The following FAM227A variants were observed in gnomAD, a reference collection of about 807,000 sequenced individuals.
FAM227A encodes the protein family with sequence similarity 227 member A, also known as protein FAM227A.
A neutral mutation model predicts 74.7 loss-of-function variants in FAM227A; 80 were observed. That is an observed-to-expected ratio of 1.07 (90% CI 0.89 to 1.29). The LOEUF is 1.29. FAM227A is among the 50% of genes most tolerant of loss of function. The pLI is 0.00. For synonymous variants in FAM227A, 237 were observed against 241.8 expected (o/e 0.98, Z 0.19); for missense variants, 654 against 683.4 (o/e 0.96, Z 0.48).
intron 2 of FAM227A, among the ~76,000 whole-genome samples, chr22:38,648,067 G>A (rs1569242662): frequency 6.6e-6 from 1 of 152,076 alleles, no homozygotes; most frequent in Non-Finnish European, 1.5e-5. Flanking sequence ...CACAGGAGAT[G>A]GAAAGACCTG....
At chr22:38,604,028 T>C (rs980515952) in intron 13 of FAM227A, among the ~76,000 whole-genome samples, 2 of 152,080 alleles carry the variant, frequency 1.3e-5, no homozygotes, top group Non-Finnish European at 2.9e-5. Flanking sequence ...AACACCACGA[T>C]TAAAGTCAAA....
At chr22:38,606,552 T>C (rs556623826) in intron 12 of FAM227A, among the ~76,000 whole-genome samples, 19 of 152,250 alleles carry the variant, frequency 1.2e-4, no homozygotes, top group Admixed American at 9.8e-4. Flanking sequence ...CATGCTCCTT[T>C]CTGCCTCCTG....
chr22:38,650,095 G>GC lies in FAM227A; in HGVS notation c.73dup (p.Ala25GlyfsTer39). 6.4e-7 allele frequency: 1 copy of GC among 1,552,018 alleles called. No individual in the cohort carries two copies. The highest frequency in any genetic ancestry group is 8.7e-7 in the Non-Finnish European group (1 of 1,147,020). ...TGTATTCCGTGCGACAAGCGAGACA[G>GC]CCAGGTGCTCATCCACTGGTATCAT... On this transcript the variant is annotated frameshift_variant, in exon 2 of 17. Coordinates refer to ENST00000535113, the MANE Select transcript of FAM227A (RefSeq NM_001013647.2). LOFTEE classifies it high-confidence loss of function.
intron 11 of FAM227A, among the ~76,000 whole-genome samples, chr22:38,617,693 T>C (rs2091608030): frequency 6.6e-6 from 1 of 152,158 alleles, no homozygotes; most frequent in South Asian, 2.1e-4. Flanking sequence ...GGGAATGTTG[T>C]CCTAGGGTTT....
chr22:38,589,284 C>CAT (rs1569185095), intron 16 of FAM227A, among the ~76,000 whole-genome samples: 2 of 152,148 alleles, frequency 1.3e-5, no homozygotes, highest in Non-Finnish European at 2.9e-5. Context: ...GCACAGGAAG[C>CAT]ATGGCCCTGC....
At chr22:38,624,363 T>C (rs1004235476) in intron 9 of FAM227A, among the ~76,000 whole-genome samples, 5 of 150,914 alleles carry the variant, frequency 3.3e-5, no homozygotes, top group Non-Finnish European at 5.9e-5. Flanking sequence ...CCCTCCAGCA[T>C]GGGCAATAAG....
chr22:38,635,904 T>C (rs2091994489), intron 6 of FAM227A, among the ~76,000 whole-genome samples: 1 of 151,854 alleles, frequency 6.6e-6, no homozygotes, highest in East Asian at 1.9e-4. Flanking sequence ...GGCGGGAGGA[T>C]CACCTGAGTC....
At chr22:38,609,696 A>G (rs2091369549) in intron 11 of FAM227A, among the ~76,000 whole-genome samples, 1 of 152,142 alleles carries the variant, frequency 6.6e-6, no homozygotes, top group Non-Finnish European at 1.5e-5. Context: ...ACTGGTTTTT[A>G]TAGTGTTGAG....
Position 38,610,787 on chromosome 22 carries a change from C to T in FAM227A, c.1039-3311G>A, listed in dbSNP as rs149784626. ...CTTAGAAAGTACTTTCCTGGGCCGG[C>T]GCGGTGGCTCACGCCTGCAATCCTG... On this transcript the variant is annotated intron_variant, in intron 11 of 16. Transcript: ENST00000535113. Among the ~76,000 whole-genome samples the T allele has an allele frequency of 1.7e-3, 254 of 152,294 alleles. 1 individual carries two copies. The highest frequency in any genetic ancestry group is 4.6e-3 in the Admixed American group (70 of 15,296).
chr22:38,634,093 T>C (rs1432628372), intron 6 of FAM227A, among the ~76,000 whole-genome samples: 1 of 151,606 alleles, frequency 6.6e-6, no homozygotes, highest in Non-Finnish European at 1.5e-5. Context: ...GGTGGCTGCA[T>C]ATCTGTAGTC....
chr22:38,636,334 A>T, intron 6 of FAM227A, 117 bp downstream of exon 6: 1 of 1,134,398 alleles, frequency 8.8e-7, no homozygotes, highest in Non-Finnish European at 1.2e-6. Flanking sequence ...CAGCTCAGAC[A>T]CCTGCAAGCC....
chr22:38,596,794 A>G (rs2091054299), intron 15 of FAM227A, among the ~76,000 whole-genome samples: 2 of 152,198 alleles, frequency 1.3e-5, no homozygotes, highest in South Asian at 2.1e-4. Flanking sequence ...GAAAATGTCC[A>G]TAATATGCTG....
chr22:38,597,096 G>A (rs2091061959), intron 15 of FAM227A, 108 bp downstream of exon 15: 26 of 976,454 alleles, frequency 2.7e-5, no homozygotes, highest in Non-Finnish European at 4.0e-5. Flanking sequence ...TGCTTATGAT[G>A]GTTACAGGAA....
At chr22:38,636,072 AAAG>A (rs990733075) in intron 6 of FAM227A, among the ~76,000 whole-genome samples, 33 of 150,086 alleles carry the variant, frequency 2.2e-4, no homozygotes, top group African/African-American at 7.7e-4. Context: ...AAGAAAGAAA[AAAG>A]AAAGGAAGGA....
rs530746604 is a variant in FAM227A, at chr22:38,627,603, TTTTG to T, written c.726+631_726+634del. Among the ~76,000 whole-genome samples, 477 of 152,018 alleles carry T rather than the reference TTTTG, an allele frequency of 3.1e-3. 1 individual carries two copies. Among genetic ancestry groups the T allele is most frequent in the African/African-American group, 0.011 (447 of 41,446 alleles). On this transcript the variant is annotated intron_variant, in intron 8 of 16. Coordinates refer to ENST00000535113, the MANE Select transcript of FAM227A (RefSeq NM_001013647.2). ...ATAAAATGGAAAGGGAAAGTTTTTT[TTTTG>T]TTTGTTTGTTTTTTTGAGGCAGAGT...
At chr22:38,629,635 C>T (rs1400202274) in intron 6 of FAM227A, among the ~76,000 whole-genome samples, 1 of 152,248 alleles carries the variant, frequency 6.6e-6, no homozygotes, top group Non-Finnish European at 1.5e-5. Flanking sequence ...AAGCGAGTAG[C>T]CTGGGCCCAG....
chr22:38,625,943 CAA>C (rs141715277), intron 9 of FAM227A, among the ~76,000 whole-genome samples: 66 of 71,468 alleles, frequency 9.2e-4, no homozygotes, highest in Non-Finnish European at 1.2e-3. Context: ...ACTCTATCTC[CAA>C]AAAAAAAAAA....
chr22:38,652,211 T>G (rs1172859261), intron 1 of FAM227A, among the ~76,000 whole-genome samples: 1 of 151,610 alleles, frequency 6.6e-6, no homozygotes. Flanking sequence ...AGTTAACATA[T>G]TTGATGCTTC....
At chr22:38,647,636 C>T (rs2092262873) in intron 2 of FAM227A, among the ~76,000 whole-genome samples, 2 of 151,980 alleles carry the variant, frequency 1.3e-5, no homozygotes, top group Non-Finnish European at 2.9e-5. Context: ...GTTCTATGGC[C>T]CCTCTTCCTA....
Sources: allele counts gnomAD v4.1 joint callset (sites outside exome capture counted in the v4.1 genomes callset), GRCh38; gene constraint gnomAD v4.1.1; transcripts MANE v1.5; gene names NCBI Gene and HGNC (gene_info 2026-07-23, HGNC 2026-07-21).